The following ADAMTS2 variants were observed in gnomAD, a reference collection of about 807,000 sequenced individuals.
ADAMTS2 encodes A disintegrin and metalloproteinase with thrombospondin motifs 2.
In ADAMTS2, 50 loss-of-function variants were observed where a neutral mutation model predicts 123.0. The ratio of observed to expected loss-of-function variants is 0.41; its 90% CI spans 0.32 to 0.51. The LOEUF is 0.51. ADAMTS2 is among the 20% of genes least tolerant of loss of function. The probability of loss-of-function intolerance (pLI) is 0.35; values close to 1 mark genes in which losing one functional copy is unlikely to be tolerated. For synonymous variants in ADAMTS2, 678 were observed against 695.4 expected, an observed-to-expected ratio of 0.98 and a Z score of 0.39; for missense variants, 1,494 against 1,705.2, an observed-to-expected ratio of 0.88 and a Z score of 2.18.
chr5:179,250,191 C>A (rs1765886031), intron 3 of ADAMTS2, among the ~76,000 whole-genome samples: 1 of 152,164 alleles, frequency 6.6e-6, no homozygotes, highest in Non-Finnish European at 1.5e-5. Flanking sequence ...AGGGAAATTC[C>A]TCAGCATGAT....
intron 2 of ADAMTS2, among the ~76,000 whole-genome samples, chr5:179,325,506 A>G (rs1480281919): frequency 6.6e-6 from 1 of 152,192 alleles, no homozygotes; most frequent in Non-Finnish European, 1.5e-5. Flanking sequence ...GGGTCAGAGG[A>G]CAGACGCCAG....
At chr5:179,168,739 C>G (rs1438578163) in intron 5 of ADAMTS2, among the ~76,000 whole-genome samples, 1 of 152,174 alleles carries the variant, frequency 6.6e-6, no homozygotes, top group Non-Finnish European at 1.5e-5. Context: ...CAAGGTCCCA[C>G]CATCCCTGCT....
Position 179,162,210 on chromosome 5 carries a change from G to A in ADAMTS2, c.976-3331C>T, listed in dbSNP as rs573871989. On this transcript the variant is annotated intron_variant, in intron 5 of 21. Transcript: ENST00000251582. This position sits in a 1 kb window ranked among gnomAD's most constrained non-coding sequence, Gnocchi z 5.1. ...TTCTGCCTGCCCTTGTTTCCCTTTCGTGAAACTTCCCCTCCTTTAATCTGA... is the reference window on the plus strand; with the variant it reads ...TTCTGCCTGCCCTTGTTTCCCTTTCATGAAACTTCCCCTCCTTTAATCTGA... Among the ~76,000 whole-genome samples the A allele has an allele frequency of 5.1e-4, 78 of 152,226 alleles. No individual in the cohort carries two copies. The highest frequency in any genetic ancestry group is 1.7e-3 in the African/African-American group (72 of 41,534).
intron 5 of ADAMTS2, among the ~76,000 whole-genome samples, chr5:179,164,131 A>C (rs558637181): frequency 1.3e-5 from 2 of 152,324 alleles, no homozygotes; most frequent in East Asian, 3.9e-4. Context: ...CTGACAAGCC[A>C]CAGAGCTGCT....
chr5:179,311,297 G>A (rs901668824), intron 2 of ADAMTS2, among the ~76,000 whole-genome samples: 2 of 152,138 alleles, frequency 1.3e-5, no homozygotes, highest in African/African-American at 4.8e-5. Context: ...GCTCTGTCCT[G>A]TGCAGGGTCA....
chr5:179,121,384 A>G (rs2113177780), intron 21 of ADAMTS2: 1 of 261,594 alleles, frequency 3.8e-6, no homozygotes, highest in African/African-American at 2.2e-5. Flanking sequence ...CCCTTTGGCC[A>G]CCGGCCCCTC....
At chr5:179,296,432 C>T (rs1276986251) in intron 2 of ADAMTS2, among the ~76,000 whole-genome samples, 6 of 151,998 alleles carry the variant, frequency 3.9e-5, no homozygotes, top group Admixed American at 1.3e-4. Flanking sequence ...TCAGGAATGT[C>T]GAAGTAGATC....
intron 4 of ADAMTS2, among the ~76,000 whole-genome samples, chr5:179,182,548 G>T: frequency 6.6e-6 from 1 of 152,152 alleles, no homozygotes; most frequent in Non-Finnish European, 1.5e-5. Flanking sequence ...TACAGGGCGT[G>T]CAAGACAAGG....
intron 3 of ADAMTS2, among the ~76,000 whole-genome samples, chr5:179,263,775 A>G (rs42875): frequency 0.098 from 14,904 of 152,340 alleles, 792 homozygotes; most frequent in East Asian, 0.21. Context: ...AAATGAAGCC[A>G]GAGAGCAGGA....
At chr5:179,145,897 G>A (rs916412981) in intron 10 of ADAMTS2, among the ~76,000 whole-genome samples, 10 of 152,208 alleles carry the variant, frequency 6.6e-5, no homozygotes, top group Admixed American at 2.6e-4. Context: ...TTGTTGTCCC[G>A]GCTGGAGCGA....
chr5:179,212,387 T>C (rs111412180), intron 3 of ADAMTS2, among the ~76,000 whole-genome samples: 19,163 of 96,874 alleles, frequency 0.2, 2,336 homozygotes, highest in Admixed American at 0.23. Context: ...TGGGCAGGCA[T>C]GGGCTCTGTG....
chr5:179,184,674 T>C lies in ADAMTS2; in HGVS notation c.892-3519A>G, dbSNP rs951894595. ...TTCTCAAACTAAACTGACCCTGGCC[T>C]CTTGTGCAGCCCACCACACCCTGGG... On this transcript the variant is annotated intron_variant, in intron 4 of 21. Transcript: ENST00000251582. Among the ~76,000 whole-genome samples, 17 of 152,084 alleles carry C rather than the reference T, an allele frequency of 1.1e-4. No homozygotes were observed. In the South Asian group the frequency reaches 2.3e-3, roughly 20 times the overall value.
rs773390635 is a variant in ADAMTS2, at chr5:179,114,131, TGG to T, written c.3370_3371del (p.Pro1124SerfsTer39). Reference protein sequence around the residue: ...NDIDVFMPTLPVPTVAMEVRP... With the variant: ...NDIDVFMPTLXVPTVAMEVRP... The stretch of plus-strand genomic sequence containing the variant: ...GCACCTCCATGGCTACAGTGGGCAC[TGG>T]GAGGGTAGGCATGAACACGTCAATG... On this transcript the variant is annotated frameshift_variant, in exon 22 of 22. Coordinates refer to ENST00000251582, the MANE Select transcript of ADAMTS2 (RefSeq NM_014244.5). LOFTEE classifies it high-confidence loss of function. The T allele has an allele frequency of 6.2e-7, 1 of 1,613,996 alleles. No individual in the cohort carries two copies. The highest frequency in any genetic ancestry group is 2.2e-5 in the East Asian group (1 of 44,874).
At chr5:179,274,424 G>A (rs1766635189) in intron 2 of ADAMTS2, among the ~76,000 whole-genome samples, 2 of 152,232 alleles carry the variant, frequency 1.3e-5, no homozygotes, top group Non-Finnish European at 2.9e-5. Context: ...GGCATTTCCA[G>A]CACCCATCGA....
In ADAMTS2 at chr5:179,130,196, G is replaced by C; in HGVS notation, c.2291-98C>G. 4.1e-6 allele frequency: 6 copies of C among 1,461,708 alleles called. No homozygotes were observed. Among genetic ancestry groups the C allele is most frequent in the Non-Finnish European group, 5.7e-6 (6 of 1,053,828 alleles). The allele number at this position is 1,461,708 out of a possible 1,614,324, so 90.5% of individuals were successfully genotyped here. Reference sequence around the variant, plus strand: ...GTCGGGGAGTGGGGGCAGCTAGCTGGACCCCTTGTCTCTCTGGCTGCCCCC... The same window carrying C: ...GTCGGGGAGTGGGGGCAGCTAGCTGCACCCCTTGTCTCTCTGGCTGCCCCC... On this transcript the variant is annotated intron_variant, in intron 15 of 21. Coordinates refer to ENST00000251582, the MANE Select transcript of ADAMTS2 (RefSeq NM_014244.5). This position sits in a 1 kb window ranked among gnomAD's most constrained non-coding sequence, Gnocchi z 4.3.
chr5:179,136,969 CA>C (rs530319277), intron 12 of ADAMTS2, among the ~76,000 whole-genome samples: 90 of 139,846 alleles, frequency 6.4e-4, no homozygotes, highest in Middle Eastern at 3.9e-3. Context: ...GACTCCGTCT[CA>C]AAAAAAAAAA....
chr5:179,302,994 G>A (rs555267026), intron 2 of ADAMTS2, among the ~76,000 whole-genome samples: 14 of 150,880 alleles, frequency 9.3e-5, no homozygotes, highest in African/African-American at 3.4e-4. Flanking sequence ...CAGAGTGGTG[G>A]GCCTGGGTGG....
chr5:179,130,828 C>T lies in ADAMTS2; in HGVS notation c.2291-730G>A, dbSNP rs1247968090. ...TGTCCACTCACAAACAAAGCCTCTG[C>T]TTGGTGCCACACGTCCCTGCCTTCT... On this transcript the variant is annotated intron_variant, in intron 15 of 21. Transcript: ENST00000251582. The surrounding 1 kb of genome is among the most constrained non-coding windows in gnomAD (Gnocchi z 4.3). Among the ~76,000 whole-genome samples the T allele has an allele frequency of 6.6e-6, 1 of 152,110 alleles. No homozygotes were observed. The highest frequency in any genetic ancestry group is 2.4e-5 in the African/African-American group (1 of 41,424).
chr5:179,339,148 G>A (rs1005102049), intron 2 of ADAMTS2, among the ~76,000 whole-genome samples: 5 of 152,180 alleles, frequency 3.3e-5, no homozygotes, highest in African/African-American at 1.2e-4. Context: ...TCCAGAGTTT[G>A]GGAGTCTGTC....
Sources: gnomAD v4.1 joint callset for allele counts (sites outside exome capture counted in the v4.1 genomes callset) on GRCh38, gnomAD v4.1.1 for gene constraint, Gnocchi (gnomAD v3.1) non-coding constraint, MANE v1.5 for transcripts, NCBI Gene and HGNC (gene_info 2026-07-23, HGNC 2026-07-21) for gene names.